Variants in NAA35 observed in about 807,000 individuals in gnomAD.
NAA35 encodes the protein MAK10 homolog, amino-acid N-acetyltransferase subunit.
A neutral mutation model predicts 101.7 loss-of-function variants in NAA35; 18 were observed. The observed-to-expected ratio is 0.18, with a 90% confidence interval of 0.12 to 0.26. The LOEUF is 0.26. NAA35 is among the 10% of genes least tolerant of loss of function. The pLI, the probability that NAA35 is intolerant of heterozygous loss-of-function variation, is 1.00. For missense variants in NAA35, 601 were observed against 886.8 expected, an observed-to-expected ratio of 0.68 and a Z score of 4.09; for synonymous variants, 267 against 273.1, an observed-to-expected ratio of 0.98 and a Z score of 0.22.
chr9:85,954,129 G>A (rs563195461), intron 2 of NAA35, among the ~76,000 whole-genome samples: 20 of 152,194 alleles, frequency 1.3e-4, no homozygotes, highest in African/African-American at 4.1e-4. Flanking sequence ...CACCCAGGCC[G>A]GAGTTCAGTG....
At chr9:85,978,875 A>G (rs1391469344) in intron 11 of NAA35, among the ~76,000 whole-genome samples, 3 of 152,128 alleles carry the variant, frequency 2.0e-5, no homozygotes, top group Non-Finnish European at 2.9e-5. Flanking sequence ...ATTGTAAACT[A>G]AATTTCTCCC....
chr9:86,009,636 GATTGTTCAAAT>G (rs1831810869), intron 14 of NAA35, among the ~76,000 whole-genome samples: 1 of 152,120 alleles, frequency 6.6e-6, no homozygotes, highest in African/African-American at 2.4e-5. Flanking sequence ...ATCCAACTCT[GATTGTTCAAAT>G]ATAGACCTAT....
rs1399709820 is a variant in NAA35, at chr9:86,016,617, G to T, written c.1647G>T (p.Arg549Ser). 1 of 1,613,872 alleles carries T rather than the reference G, an allele frequency of 6.2e-7. No homozygotes were observed. The highest frequency in any genetic ancestry group is 8.5e-7 in the Non-Finnish European group (1 of 1,179,946). ...ATGGCTCTCAAATGGCAGAGGAAAG[G>T]ATAATGGAAGAGCAGCAGAAAGGCC... ...RADGSQMAEE[R>S]IMEEQQKGRS... Residue 549 changes from arginine to serine, a missense_variant, in exon 18 of 23, where the codon AGG becomes AGT. Arg to Ser is a moderately radical substitution (Grantham distance 110, BLOSUM62 -1). This residue lies in a region of NAA35 where 99 missense variants were observed against 206.7 expected (regional missense o/e 0.48). Transcript: ENST00000361671.
At chr9:86,021,695 G>A (rs1348763337) in intron 22 of NAA35, among the ~76,000 whole-genome samples, 1 of 152,126 alleles carries the variant, frequency 6.6e-6, no homozygotes, top group Non-Finnish European at 1.5e-5. Context: ...GTTTTCTTAT[G>A]ATCTTCATAA....
At chr9:86,001,046 C>T (rs1831399602) in intron 12 of NAA35, among the ~76,000 whole-genome samples, 1 of 152,146 alleles carries the variant, frequency 6.6e-6, no homozygotes. Context: ...TCGTTCTTAA[C>T]ACTGCTTTAG....
rs542796972 is a variant in NAA35 at position 85,944,142 on chromosome 9, G to A, written c.124+1859G>A. ...AGTAAGTAATGTAGTAAGCTTTATA[G>A]TCAGATATGAGCTGGAGTCCTAACT... On this transcript the variant is annotated intron_variant, in intron 2 of 22. Transcript: ENST00000361671. Among the ~76,000 whole-genome samples, 56 of 152,274 alleles carry A rather than the reference G, an allele frequency of 3.7e-4. 1 individual carries two copies. Among genetic ancestry groups the A allele is most frequent in the African/African-American group, 1.3e-3 (55 of 41,556 alleles).
chr9:85,979,404 A>G lies in NAA35; in HGVS notation c.877+1023A>G, dbSNP rs914202922. 2.0e-5 allele frequency among the ~76,000 whole-genome samples: 3 copies of G among 152,242 alleles called. No individual in the cohort carries two copies. In the East Asian group the frequency reaches 5.8e-4, roughly 29 times the overall value. On this transcript the variant is annotated intron_variant, in intron 11 of 22. Coordinates refer to ENST00000361671, the MANE Select transcript of NAA35 (RefSeq NM_024635.4). Reference sequence around the variant, plus strand: ...GCTGAGAAAAGTAAAAACTCCTTCAAATAAGAAAGAAGAACAGGCTATGAC... The same window carrying G: ...GCTGAGAAAAGTAAAAACTCCTTCAGATAAGAAAGAAGAACAGGCTATGAC...
At chr9:85,995,354 G>C (rs1203088336) in intron 11 of NAA35, among the ~76,000 whole-genome samples, 1 of 150,456 alleles carries the variant, frequency 6.6e-6, no homozygotes, top group South Asian at 2.1e-4. Context: ...TTTGAGATGG[G>C]ATTTGGAACT....
chr9:86,017,019 G>A (rs2118482788), intron 18 of NAA35, among the ~76,000 whole-genome samples: 1 of 152,350 alleles, frequency 6.6e-6, no homozygotes, highest in Non-Finnish European at 1.5e-5. Flanking sequence ...GAGCTGTGCT[G>A]TGGTAGCGGG....
intron 2 of NAA35, among the ~76,000 whole-genome samples, chr9:85,944,988 A>G (rs924380732): frequency 1.3e-5 from 2 of 152,248 alleles, no homozygotes; most frequent in Non-Finnish European, 2.9e-5. Flanking sequence ...TTTCTTTCAT[A>G]TATACATTCT....
rs1265262294 is a variant in NAA35 at position 85,981,326 on chromosome 9, C to A, written c.877+2945C>A. Reference sequence around the variant, plus strand: ...TACAGCAATAATACTTTTATGAAAACCACTATATAATAAATGACTTCAAAG... The same window carrying A: ...TACAGCAATAATACTTTTATGAAAAACACTATATAATAAATGACTTCAAAG... On this transcript the variant is annotated intron_variant, in intron 11 of 22. Coordinates refer to ENST00000361671, the MANE Select transcript of NAA35 (RefSeq NM_024635.4). Among the ~76,000 whole-genome samples, 3 of 152,104 alleles carry A rather than the reference C, an allele frequency of 2.0e-5. No individual in the cohort carries two copies. In the South Asian group the frequency reaches 6.2e-4, roughly 31 times the overall value.
chr9:85,956,079 G>C (rs1829261417), intron 2 of NAA35, among the ~76,000 whole-genome samples: 1 of 152,048 alleles, frequency 6.6e-6, no homozygotes, highest in Non-Finnish European at 1.5e-5. Context: ...AAATGGGGTT[G>C]GTAATTCTGA....
chr9:85,952,224 ATTGT>A (rs912087667), intron 2 of NAA35, among the ~76,000 whole-genome samples: 7 of 140,704 alleles, frequency 5.0e-5, no homozygotes, highest in African/African-American at 1.9e-4. Flanking sequence ...TAGTCTGTTG[ATTGT>A]TTTTCTTTTT....
chr9:85,946,613 G>A (rs1451310296), intron 2 of NAA35, among the ~76,000 whole-genome samples: 1 of 151,606 alleles, frequency 6.6e-6, no homozygotes, highest in African/African-American at 2.4e-5. Context: ...TGTGGCCCAG[G>A]ATGGCTTTGA....
intron 14 of NAA35, among the ~76,000 whole-genome samples, chr9:86,008,314 G>A (rs1423315541): frequency 6.6e-6 from 1 of 152,122 alleles, no homozygotes; most frequent in Non-Finnish European, 1.5e-5. Flanking sequence ...TGCCCACCTT[G>A]GCCTCCCAAA....
At chr9:85,990,211 A>G (rs1230974330) in intron 11 of NAA35, among the ~76,000 whole-genome samples, 1 of 152,252 alleles carries the variant, frequency 6.6e-6, no homozygotes, top group Admixed American at 6.5e-5. Flanking sequence ...ATACACTATC[A>G]TGGGAACTAA....
intron 11 of NAA35, among the ~76,000 whole-genome samples, chr9:85,985,219 C>T (rs1052917824): frequency 6.6e-6 from 1 of 152,172 alleles, no homozygotes; most frequent in South Asian, 2.1e-4. Flanking sequence ...TGATACAGCT[C>T]TCTTGGAGAT....
At chr9:85,993,054 A>T (rs1398695001) in intron 11 of NAA35, among the ~76,000 whole-genome samples, 1 of 152,268 alleles carries the variant, frequency 6.6e-6, no homozygotes, top group African/African-American at 2.4e-5. Flanking sequence ...ATTATAATGG[A>T]ATGAAATACT....
intron 6 of NAA35, among the ~76,000 whole-genome samples, chr9:85,970,319 A>G (rs897796923): frequency 6.6e-6 from 1 of 152,206 alleles, no homozygotes; most frequent in African/African-American, 2.4e-5. Flanking sequence ...CAGTTTTTGA[A>G]TACTTATTTC....
Sources: allele counts gnomAD v4.1 joint callset (sites outside exome capture counted in the v4.1 genomes callset), GRCh38; gene constraint gnomAD v4.1.1; regional missense constraint gnomAD v4.1.1; transcripts MANE v1.5; gene names NCBI Gene and HGNC (gene_info 2026-07-23, HGNC 2026-07-21).